The following BICC1 variants were observed in gnomAD, a reference collection of about 807,000 sequenced individuals.
The protein encoded by BICC1 is protein bicaudal C homolog 1.
A neutral mutation model predicts 111.0 loss-of-function variants in BICC1; 43 were observed. The ratio of observed to expected loss-of-function variants is 0.39; its 90% CI spans 0.30 to 0.50. BICC1 has a LOEUF of 0.50. Ranked by LOEUF, BICC1 falls within the 20% of genes least tolerant of loss-of-function variation. The pLI, the probability that BICC1 is intolerant of heterozygous loss-of-function variation, is 0.88. For synonymous variants in BICC1, 467 were observed against 434.4 expected, an observed-to-expected ratio of 1.07 and a Z score of -0.93; for missense variants, 1,091 against 1,203.2, an observed-to-expected ratio of 0.91 and a Z score of 1.38.
At chr10:58,644,499 G>A (rs776745540) in intron 2 of BICC1, among the ~76,000 whole-genome samples, 2 of 152,118 alleles carry the variant, frequency 1.3e-5, no homozygotes, top group Admixed American at 6.5e-5. Flanking sequence ...CCGTCCCCGT[G>A]CCTGGGAAGT....
At chr10:58,565,025 G>A (rs1426623818) in intron 1 of BICC1, among the ~76,000 whole-genome samples, 1 of 152,046 alleles carries the variant, frequency 6.6e-6, no homozygotes. Context: ...AGCCATCAGA[G>A]AAACTTTTAT....
chr10:58,783,822 C>G (rs1316032076), intron 3 of BICC1, among the ~76,000 whole-genome samples: 1 of 152,160 alleles, frequency 6.6e-6, no homozygotes, highest in East Asian at 1.9e-4. Flanking sequence ...TATCATAAAG[C>G]TGATGGGTAT....
Position 58,556,198 on chromosome 10 carries a change from T to C in BICC1, c.190+42865T>C, listed in dbSNP as rs539818531. Among the ~76,000 whole-genome samples the C allele has an allele frequency of 2.0e-5, 3 of 152,244 alleles. No individual in the cohort carries two copies. In the South Asian group the frequency reaches 6.2e-4, roughly 32 times the overall value. On this transcript the variant is annotated intron_variant, in intron 1 of 20. Coordinates refer to ENST00000373886, the MANE Select transcript of BICC1 (RefSeq NM_001080512.3). ...AATGTGAAACCTTGAATATGTCTAA[T>C]TTTTATTGGCATGGATGTATGCATA...
At chr10:58,662,161 A>G (rs1008857820) in intron 2 of BICC1, among the ~76,000 whole-genome samples, 1 of 152,190 alleles carries the variant, frequency 6.6e-6, no homozygotes, top group Admixed American at 6.5e-5. Flanking sequence ...TTAAGTGGCT[A>G]TAGAATTAGT....
intron 1 of BICC1, among the ~76,000 whole-genome samples, chr10:58,616,223 C>T (rs1845600661): frequency 6.6e-6 from 1 of 152,210 alleles, no homozygotes; most frequent in African/African-American, 2.4e-5. Context: ...ACCGAGGGGT[C>T]TGCTCCATAA....
chr10:58,698,024 A>G (rs1840116045), intron 2 of BICC1, among the ~76,000 whole-genome samples: 1 of 152,120 alleles, frequency 6.6e-6, no homozygotes, highest in South Asian at 2.1e-4. Flanking sequence ...GTAAGAATAG[A>G]CCTGGAGTCA....
At chr10:58,672,302 G>C (rs1306871796) in intron 2 of BICC1, among the ~76,000 whole-genome samples, 3 of 151,932 alleles carry the variant, frequency 2.0e-5, no homozygotes, top group African/African-American at 7.3e-5. Context: ...CTCTCATTCA[G>C]ACTTACTGGA....
chr10:58,788,827 T>C (rs879815117), intron 6 of BICC1, among the ~76,000 whole-genome samples: 3 of 152,256 alleles, frequency 2.0e-5, no homozygotes, highest in Admixed American at 6.5e-5. Context: ...GGCTCACACC[T>C]GTAATCCCAG....
At chr10:58,761,146 C>G (rs1750661443) in intron 3 of BICC1, among the ~76,000 whole-genome samples, 1 of 152,182 alleles carries the variant, frequency 6.6e-6, no homozygotes, top group Admixed American at 6.5e-5. Context: ...GCGTGAGCCA[C>G]TGCACCCAGC....
chr10:58,636,913 T>C (rs558211972), intron 2 of BICC1, among the ~76,000 whole-genome samples: 8 of 152,318 alleles, frequency 5.3e-5, no homozygotes, highest in African/African-American at 1.9e-4. Context: ...TTTGATTCTT[T>C]AGAGAAGACC....
At chr10:58,674,969 C>A (rs1313895417) in intron 2 of BICC1, among the ~76,000 whole-genome samples, 1 of 152,042 alleles carries the variant, frequency 6.6e-6, no homozygotes, top group Admixed American at 6.6e-5. Flanking sequence ...AGGGAAATAT[C>A]AAATTAACGA....
intron 15 of BICC1, among the ~76,000 whole-genome samples, chr10:58,805,333 C>T (rs193061045): frequency 9.2e-5 from 14 of 151,990 alleles, no homozygotes; most frequent in Admixed American, 2.6e-4. Flanking sequence ...TGCAAGTCAT[C>T]GAGGCTGTAG....
chr10:58,763,994 A>G (rs1397377481), intron 3 of BICC1, among the ~76,000 whole-genome samples: 1 of 152,184 alleles, frequency 6.6e-6, no homozygotes, highest in East Asian at 1.9e-4. Context: ...ACTCACAGGC[A>G]TGGAATTGCT....
intron 2 of BICC1, among the ~76,000 whole-genome samples, chr10:58,671,963 A>C (rs932238164): frequency 2.0e-5 from 3 of 152,020 alleles, no homozygotes; most frequent in African/African-American, 7.2e-5. Flanking sequence ...GTCGTCTATG[A>C]CTTTGTTGTT....
intron 3 of BICC1, 72 bp downstream of exon 3, chr10:58,702,215 G>A: frequency 8.4e-7 from 1 of 1,195,616 alleles, no homozygotes; most frequent in African/African-American, 1.5e-5. Context: ...GGTTTGCTGG[G>A]GAGAAAACTA....
chr10:58,794,987 G>GT (rs1554833677), intron 9 of BICC1, among the ~76,000 whole-genome samples: 1 of 152,096 alleles, frequency 6.6e-6, no homozygotes, highest in Non-Finnish European at 1.5e-5. Context: ...GCATTTTTGT[G>GT]TATATATATG....
At chr10:58,674,659 T>G (rs1188835210) in intron 2 of BICC1, among the ~76,000 whole-genome samples, 3 of 151,950 alleles carry the variant, frequency 2.0e-5, no homozygotes, top group Non-Finnish European at 4.4e-5. Flanking sequence ...TCATAAGAGG[T>G]GATATAGCAG....
chr10:58,806,524 G>A (rs1425699257), intron 15 of BICC1, 60 bp from the exon 16 acceptor site: 1 of 1,441,422 alleles, frequency 6.9e-7, no homozygotes, highest in African/African-American at 1.4e-5. Context: ...TCTAACCATG[G>A]AGTGTTGGCA....
chr10:58,618,155 G>C (rs1845680003), intron 1 of BICC1, among the ~76,000 whole-genome samples: 1 of 152,142 alleles, frequency 6.6e-6, no homozygotes, highest in Non-Finnish European at 1.5e-5. Flanking sequence ...TGTGTCTGGG[G>C]CCTGGCTTGC....
Sources: allele counts gnomAD v4.1 joint callset (sites outside exome capture counted in the v4.1 genomes callset), GRCh38; gene constraint gnomAD v4.1.1; transcripts MANE v1.5; gene names NCBI Gene and HGNC (gene_info 2026-07-23, HGNC 2026-07-21).